Variants in KCNJ3 observed in about 807,000 individuals in gnomAD.
KCNJ3 encodes potassium inwardly rectifying channel subfamily J member 3.
In KCNJ3, 4 loss-of-function variants were observed where a neutral mutation model predicts 39.2. The ratio of observed to expected loss-of-function variants is 0.10; its 90% CI spans 0.05 to 0.23. The LOEUF (loss-of-function observed/expected upper bound fraction) is 0.23. KCNJ3 is among the 10% of genes least tolerant of loss of function. The pLI is 1.00. For missense variants in KCNJ3, 276 were observed against 634.9 expected (o/e 0.43, Z 6.08); for synonymous variants, 230 against 237.4 (o/e 0.97, Z 0.29).
intron 2 of KCNJ3, among the ~76,000 whole-genome samples, chr2:154,829,151 A>G (rs1687320777): frequency 6.6e-6 from 1 of 152,156 alleles, no homozygotes; most frequent in African/African-American, 2.4e-5. Flanking sequence ...TTGTAGGTTC[A>G]GGGGTACATG....
At chr2:154,787,361 G>A (rs1030812791) in intron 2 of KCNJ3, among the ~76,000 whole-genome samples, 6 of 150,646 alleles carry the variant, frequency 4.0e-5, no homozygotes, top group South Asian at 2.1e-4. Context: ...TACTCTTTTC[G>A]AACAAAACCT....
At chr2:154,723,701 A>G (rs1322572965) in intron 2 of KCNJ3, among the ~76,000 whole-genome samples, 1 of 152,204 alleles carries the variant, frequency 6.6e-6, no homozygotes, top group Non-Finnish European at 1.5e-5. Context: ...CTTTACATTA[A>G]TGGGGTAAGT....
chr2:154,771,181 G>A (rs539216988), intron 2 of KCNJ3, among the ~76,000 whole-genome samples: 7 of 152,064 alleles, frequency 4.6e-5, no homozygotes, highest in Admixed American at 1.3e-4. Flanking sequence ...GTGAGCCTCC[G>A]CACCCTCCCA....
At chr2:154,831,659 C>A (rs1687365723) in intron 2 of KCNJ3, among the ~76,000 whole-genome samples, 1 of 152,034 alleles carries the variant, frequency 6.6e-6, no homozygotes, top group African/African-American at 2.4e-5. Context: ...TCTCAGTGTT[C>A]ATAAATATTT....
chr2:154,720,140 A>G (rs990466541), intron 2 of KCNJ3, among the ~76,000 whole-genome samples: 5 of 152,084 alleles, frequency 3.3e-5, no homozygotes, highest in Non-Finnish European at 7.4e-5. Flanking sequence ...TAATGGTGGA[A>G]GCAGAGTGCC....
At chr2:154,826,188 T>C (rs1268930120) in intron 2 of KCNJ3, among the ~76,000 whole-genome samples, 2 of 152,168 alleles carry the variant, frequency 1.3e-5, no homozygotes, top group African/African-American at 4.8e-5. Context: ...GATTCATGAA[T>C]TGTTTATTGA....
intron 2 of KCNJ3, among the ~76,000 whole-genome samples, chr2:154,831,777 C>T (rs1353025121): frequency 2.0e-5 from 3 of 152,178 alleles, no homozygotes; most frequent in South Asian, 2.1e-4. Flanking sequence ...CATGTTACAG[C>T]ACTTTGCAGG....
intron 2 of KCNJ3, among the ~76,000 whole-genome samples, chr2:154,827,978 G>A (rs1038827020): frequency 6.6e-6 from 1 of 152,078 alleles, no homozygotes; most frequent in African/African-American, 2.4e-5. Context: ...ACCGTCAGAT[G>A]TTTATTCTTG....
chr2:154,780,371 A>G (rs1686415579), intron 2 of KCNJ3, among the ~76,000 whole-genome samples: 1 of 152,168 alleles, frequency 6.6e-6, no homozygotes, highest in South Asian at 2.1e-4. Context: ...ACTTAAGTTT[A>G]TCTTATAGGT....
intron 1 of KCNJ3, among the ~76,000 whole-genome samples, chr2:154,707,517 T>C (rs1685034506): frequency 6.6e-6 from 1 of 152,134 alleles, no homozygotes; most frequent in Non-Finnish European, 1.5e-5. Context: ...CTCTAAAGCC[T>C]TTTAGAATGA....
At chr2:154,735,069 C>CTGTGTGTGTGTGTGTGTG (rs10632638) in intron 2 of KCNJ3, among the ~76,000 whole-genome samples, 2,722 of 145,816 alleles carry the variant, frequency 0.019, 73 homozygotes, top group East Asian at 0.07. Flanking sequence ...CCTTGTAGGC[C>CTGTGTGTGTGTGTGTGTG]TGTGTGTGTG....
chr2:154,818,009 A>C (rs1231614023), intron 2 of KCNJ3, among the ~76,000 whole-genome samples: 2 of 152,046 alleles, frequency 1.3e-5, no homozygotes, highest in Non-Finnish European at 2.9e-5. Flanking sequence ...TTATACTATT[A>C]TCTCTCTCTC....
chr2:154,826,360 G>T (rs1687272149), intron 2 of KCNJ3, among the ~76,000 whole-genome samples: 1 of 152,138 alleles, frequency 6.6e-6, no homozygotes, highest in Non-Finnish European at 1.5e-5. Context: ...TTGGCATCTG[G>T]AAATTTTCAA....
intron 2 of KCNJ3, among the ~76,000 whole-genome samples, chr2:154,767,204 A>G (rs1021280988): frequency 8.6e-5 from 13 of 151,864 alleles, no homozygotes; most frequent in African/African-American, 3.1e-4. Context: ...TTAAAATTAT[A>G]CTTTAAGTTC....
At chr2:154,711,266 A>G (rs1180608349) in intron 2 of KCNJ3, among the ~76,000 whole-genome samples, 2 of 152,090 alleles carry the variant, frequency 1.3e-5, no homozygotes, top group Non-Finnish European at 2.9e-5. Context: ...TTACATTTCC[A>G]TTTTTACTCA....
intron 2 of KCNJ3, among the ~76,000 whole-genome samples, chr2:154,846,557 T>C (rs928539776): frequency 5.3e-5 from 8 of 152,170 alleles, no homozygotes; most frequent in African/African-American, 1.9e-4. Context: ...ATGCCCAACA[T>C]CTTACTAACA....
intron 2 of KCNJ3, among the ~76,000 whole-genome samples, chr2:154,806,641 A>T (rs1348670761): frequency 6.6e-6 from 1 of 152,124 alleles, no homozygotes; most frequent in African/African-American, 2.4e-5. Context: ...CGAAAAAAAC[A>T]CTTTGTGGCC....
At chr2:154,761,118 C>G (rs1344525215) in intron 2 of KCNJ3, among the ~76,000 whole-genome samples, 1 of 148,154 alleles carries the variant, frequency 6.7e-6, no homozygotes, top group Non-Finnish European at 1.5e-5. Context: ...CCAGTCTAGC[C>G]TTTTACTTTT....
chr2:154,784,207 T>G (rs1246765360), intron 2 of KCNJ3, among the ~76,000 whole-genome samples: 1 of 152,232 alleles, frequency 6.6e-6, no homozygotes, highest in African/African-American at 2.4e-5. Context: ...TACAGAAATA[T>G]TATTTGTTAT....
Sources: gnomAD v4.1 joint callset for allele counts (sites outside exome capture counted in the v4.1 genomes callset) on GRCh38, gnomAD v4.1.1 for gene constraint, MANE v1.5 for transcripts, NCBI Gene and HGNC (gene_info 2026-07-23, HGNC 2026-07-21) for gene names.